FAM222B: variants seen among roughly 807,000 people sequenced by gnomAD.
FAM222B encodes protein FAM222B.
FAM222B carries 12 observed loss-of-function variants against 38.0 expected under a neutral mutation model. The observed-to-expected ratio is 0.32, with a 90% CI of 0.20 to 0.51. The LOEUF (loss-of-function observed/expected upper bound fraction) is 0.51. Ranked by LOEUF, FAM222B falls within the 20% of genes least tolerant of loss-of-function variation. The pLI, the probability that FAM222B is intolerant of heterozygous loss-of-function variation, is 0.97. For missense variants in FAM222B, 716 were observed against 754.2 expected, an observed-to-expected ratio of 0.95 and a Z score of 0.59; for synonymous variants, 329 against 317.2, an observed-to-expected ratio of 1.04 and a Z score of -0.40.
intron 1 of FAM222B, among the ~76,000 whole-genome samples, chr17:28,849,807 C>A (rs2039169279): frequency 6.6e-6 from 1 of 152,174 alleles, no homozygotes; most frequent in Non-Finnish European, 1.5e-5. Context: ...CCTCACCAGG[C>A]GCAGTGGCTC....
chr17:28,799,538 T>C (rs1051280179), intron 1 of FAM222B, among the ~76,000 whole-genome samples: 2 of 151,752 alleles, frequency 1.3e-5, no homozygotes, highest in African/African-American at 4.8e-5. Flanking sequence ...CTCGATCTCC[T>C]GACCTCGTGA....
At chr17:28,841,243 C>T (rs1277171068) in intron 1 of FAM222B, among the ~76,000 whole-genome samples, 2 of 152,046 alleles carry the variant, frequency 1.3e-5, no homozygotes, top group African/African-American at 4.8e-5. Flanking sequence ...TGCTGTGAGC[C>T]GAGATGATGC....
intron 1 of FAM222B, among the ~76,000 whole-genome samples, chr17:28,806,629 GTCTTT>G (rs1421506056): frequency 6.6e-6 from 1 of 152,088 alleles, no homozygotes; most frequent in Non-Finnish European, 1.5e-5. Context: ...CTTCAAGTTG[GTCTTT>G]TCTTAACAAC....
intron 2 of FAM222B, among the ~76,000 whole-genome samples, chr17:28,765,076 A>G (rs2151778191): frequency 6.6e-6 from 1 of 152,356 alleles, no homozygotes; most frequent in African/African-American, 2.4e-5. Flanking sequence ...TGAGAAAGCT[A>G]TAGCAGAGCT....
Position 28,759,161 on chromosome 17 carries a change from A to T in FAM222B, c.798T>A (p.Ser266Arg). ...ACTGGTTGATCTGGTGCACGATGCT[A>T]CTCAGGTCCGGAGGCTGGCTGTGCT... Reference protein sequence around the residue: ...TLQHSQPPDLSSIVHQINQFC... With the variant: ...TLQHSQPPDLRSIVHQINQFC... Residue 266 changes from serine to arginine, a missense_variant, in exon 3 of 3, where the codon AGT (serine) becomes AGA (arginine). Ser to Arg is a moderately radical substitution (Grantham distance 110, BLOSUM62 -1). Transcript: ENST00000581407. This position sits in a 1 kb window ranked among gnomAD's most constrained non-coding sequence, Gnocchi z 4.8. 1 of 1,612,566 alleles carries T rather than the reference A, an allele frequency of 6.2e-7. No homozygotes were observed. Among genetic ancestry groups the T allele is most frequent in the Non-Finnish European group, 8.5e-7 (1 of 1,179,390 alleles).
chr17:28,816,210 G>C (rs1183838296), intron 1 of FAM222B, among the ~76,000 whole-genome samples: 1 of 149,752 alleles, frequency 6.7e-6, no homozygotes, highest in Non-Finnish European at 1.5e-5. Context: ...CCAGGAGGCA[G>C]AGATTACAAT....
At chr17:28,786,721 G>T (rs1466650794) in intron 1 of FAM222B, among the ~76,000 whole-genome samples, 1 of 152,006 alleles carries the variant, frequency 6.6e-6, no homozygotes, top group African/African-American at 2.4e-5. Context: ...TTTCACATGT[G>T]TACTTGGCCA....
At chr17:28,773,240 G>C (rs2035722901) in intron 1 of FAM222B, among the ~76,000 whole-genome samples, 1 of 152,002 alleles carries the variant, frequency 6.6e-6, no homozygotes, top group Non-Finnish European at 1.5e-5. Context: ...ACTTTGGGAG[G>C]CCAAGACGGG....
At chr17:28,843,611 C>A (rs1181406609), upstream of FAM222B, among the ~76,000 whole-genome samples, 1 of 150,606 alleles carries the variant, frequency 6.6e-6, no homozygotes, top group African/African-American at 2.4e-5. Context: ...CCACGCCTGG[C>A]TAACTTTTGT....
At chr17:28,807,589 T>G (rs1197148091) in intron 1 of FAM222B, among the ~76,000 whole-genome samples, 2 of 152,206 alleles carry the variant, frequency 1.3e-5, no homozygotes, top group African/African-American at 4.8e-5. Context: ...TTTCACCATG[T>G]TGGTCAGGCT....
At position 28,770,342 on chromosome 17, in the gene FAM222B, G is replaced by A. The variant is rs568645611; in HGVS notation, c.-40-3635C>T. Among the ~76,000 whole-genome samples, 7 of 152,316 alleles carry A rather than the reference G, an allele frequency of 4.6e-5. No individual in the cohort carries two copies. The South Asian group carries it at 1.5e-3, about 32-fold the overall frequency. On this transcript the variant is annotated intron_variant, in intron 1 of 2. Transcript: ENST00000581407. Reference sequence around the variant, plus strand: ...ATATGTCAATCTATTAATGATGGCAGAGCCCAGGACTGAAACCTAGATTTG... The same window carrying A: ...ATATGTCAATCTATTAATGATGGCAAAGCCCAGGACTGAAACCTAGATTTG...
intron 1 of FAM222B, among the ~76,000 whole-genome samples, chr17:28,801,084 G>A (rs913818574): frequency 6.6e-6 from 1 of 151,762 alleles, no homozygotes; most frequent in Admixed American, 6.6e-5. Flanking sequence ...TTGAACCTGG[G>A]AGGTGGAGGT....
intron 1 of FAM222B, chr17:28,854,829 C>T (rs1235191734): frequency 3.9e-6 from 2 of 510,468 alleles, no homozygotes; most frequent in Non-Finnish European, 6.6e-6. Context: ...AAACTACCGT[C>T]ATGCTTGCAC....
chr17:28,833,445 C>T (rs1201141685), intron 1 of FAM222B, among the ~76,000 whole-genome samples: 1 of 150,764 alleles, frequency 6.6e-6, no homozygotes, highest in Non-Finnish European at 1.5e-5. Context: ...GGTGAAACCC[C>T]GTCTCTACTA....
chr17:28,759,108 G>C lies in FAM222B; in HGVS notation c.851C>G (p.Thr284Ser). 13 of 1,611,838 alleles carry C rather than the reference G, an allele frequency of 8.1e-6. No homozygotes were observed. Among genetic ancestry groups the C allele is most frequent in the Non-Finnish European group, 1.1e-5 (13 of 1,179,042 alleles). ...QFCQTRAGIS[T>S]TSVCEGQIAN... The stretch of plus-strand genomic sequence containing the variant: ...GATCTGGCCCTCACACACTGAGGTA[G>C]TGCTGATGCCTGCCCTCGTCTGGCA... The change falls in exon 3 of 3, where the codon ACT becomes AGT. Residue 284 changes from threonine to serine, a missense_variant. Physicochemically the swap from Thr to Ser is moderately conservative, Grantham distance 58. Transcript: ENST00000581407. The surrounding 1 kb of genome is among the most constrained non-coding windows in gnomAD (Gnocchi z 4.8).
rs371815170 is a variant in FAM222B, at chr17:28,798,679, A to C, written c.-40-31972T>G. On this transcript the variant is annotated intron_variant, in intron 1 of 2. Transcript: ENST00000581407. The stretch of plus-strand genomic sequence containing the variant: ...AAACGGAGTCTTGCTCTCTCGCCCA[A>C]ACTGGAGTGCAGTGGCGCGATCTCG... Among the ~76,000 whole-genome samples, 20 of 151,196 alleles carry C rather than the reference A, an allele frequency of 1.3e-4. No individual in the cohort carries two copies. In the East Asian group the frequency reaches 3.1e-3, roughly 24 times the overall value.
At chr17:28,793,785 G>T (rs1034462230) in intron 1 of FAM222B, among the ~76,000 whole-genome samples, 31 of 121,414 alleles carry the variant, frequency 2.6e-4, no homozygotes, top group African/African-American at 9.7e-4. Context: ...CACTCTTGTT[G>T]CCCAGGCTGG....
At chr17:28,794,693 G>A (rs1478620828) in intron 1 of FAM222B, among the ~76,000 whole-genome samples, 2 of 152,098 alleles carry the variant, frequency 1.3e-5, no homozygotes, top group African/African-American at 4.8e-5. Flanking sequence ...AGCAGAAGGG[G>A]ACCTACAAGT....
chr17:28,780,112 T>C (rs1398780243), intron 1 of FAM222B, among the ~76,000 whole-genome samples: 7 of 151,894 alleles, frequency 4.6e-5, no homozygotes, highest in Admixed American at 2.6e-4. Context: ...GGTGGGACTA[T>C]AGGTGCATGC....
Sources: allele counts gnomAD v4.1 joint callset (sites outside exome capture counted in the v4.1 genomes callset), GRCh38; gene constraint gnomAD v4.1.1; non-coding constraint Gnocchi (gnomAD v3.1); transcripts MANE v1.5; gene names NCBI Gene and HGNC (gene_info 2026-07-23, HGNC 2026-07-21).